Variants in TIMM9 observed in about 807,000 individuals in gnomAD.
TIMM9 encodes mitochondrial import inner membrane translocase subunit Tim9.
In TIMM9, 10 loss-of-function variants were observed where a neutral mutation model predicts 13.4. The ratio of observed to expected loss-of-function variants is 0.75; its 90% CI spans 0.46 to 1.26. The LOEUF (loss-of-function observed/expected upper bound fraction) is 1.26, where lower values mean the gene tolerates loss of function less well. Among genes scored for constraint, TIMM9 ranks in the 50% most tolerant of loss-of-function variants. The pLI, the probability that TIMM9 is intolerant of heterozygous loss-of-function variation, is 0.00. For synonymous variants in TIMM9, 32 were observed against 32.1 expected, an observed-to-expected ratio of 1.00 and a Z score of 0.01; for missense variants, 87 against 100.8, an observed-to-expected ratio of 0.86 and a Z score of 0.58.
intron 5 of TIMM9, among the ~76,000 whole-genome samples, chr14:58,409,941 C>T (rs1313648296): frequency 6.6e-6 from 1 of 152,052 alleles, no homozygotes; most frequent in Non-Finnish European, 1.5e-5. Flanking sequence ...CAGTGCCTCA[C>T]TGTGGCCTCA....
chr14:58,412,642 T>A (rs2036258533), intron 3 of TIMM9, among the ~76,000 whole-genome samples: 1 of 152,218 alleles, frequency 6.6e-6, no homozygotes, highest in South Asian at 2.1e-4. Flanking sequence ...GGCTCATGCC[T>A]GTAATCCCAG....
intron 3 of TIMM9, among the ~76,000 whole-genome samples, chr14:58,423,577 GA>G (rs2036653552): frequency 6.8e-6 from 1 of 146,590 alleles, no homozygotes; most frequent in African/African-American, 2.5e-5. Context: ...CTGGTTCAGA[GA>G]AAATACTGGA....
intron 2 of TIMM9, among the ~76,000 whole-genome samples, chr14:58,426,745 C>A (rs1202865389): frequency 6.6e-6 from 1 of 152,170 alleles, no homozygotes; most frequent in African/African-American, 2.4e-5. Context: ...GGAGGATCTT[C>A]CCCCGGGCAG....
At chr14:58,417,473 C>T (rs2036448930) in intron 3 of TIMM9, among the ~76,000 whole-genome samples, 1 of 128,632 alleles carries the variant, frequency 7.8e-6, no homozygotes, top group Admixed American at 8.9e-5. Context: ...TGCATTCCAG[C>T]TCAGATAAAA....
At chr14:58,419,468 C>T (rs1394399897) in intron 3 of TIMM9, among the ~76,000 whole-genome samples, 2 of 148,324 alleles carry the variant, frequency 1.3e-5, no homozygotes, top group African/African-American at 2.5e-5. Context: ...CACACACACA[C>T]ACACACACAC....
intron 5 of TIMM9, 83 bp downstream of exon 5, chr14:58,410,759 AG>A: frequency 1.1e-6 from 1 of 913,634 alleles, no homozygotes; most frequent in Non-Finnish European, 1.7e-6. Flanking sequence ...TGTAATAAGT[AG>A]GAACAAGTGA....
chr14:58,410,813 T>C (rs193180714), intron 5 of TIMM9, 30 bp downstream of exon 5: 76 of 1,505,626 alleles, frequency 5.0e-5, no homozygotes, highest in East Asian at 5.0e-4. Flanking sequence ...TGAAGGCTTG[T>C]AGAATTTTAG....
chr14:58,413,158 A>C (rs1419232939), intron 3 of TIMM9, among the ~76,000 whole-genome samples: 1 of 152,164 alleles, frequency 6.6e-6, no homozygotes. Flanking sequence ...AGCATTTTAC[A>C]CTTACACCAC....
intron 3 of TIMM9, among the ~76,000 whole-genome samples, chr14:58,413,648 A>G (rs946800570): frequency 4.6e-5 from 7 of 152,214 alleles, no homozygotes; most frequent in African/African-American, 1.7e-4. Flanking sequence ...AAGAATGTGT[A>G]TAACATTATT....
chr14:58,425,350 G>A (rs1039634735), intron 2 of TIMM9, among the ~76,000 whole-genome samples: 1 of 152,044 alleles, frequency 6.6e-6, no homozygotes, highest in East Asian at 1.9e-4. Flanking sequence ...GGCAGAGGTT[G>A]CAGTGAGCTG....
chr14:58,411,971 C>T lies in TIMM9; in HGVS notation c.-26G>A. On this transcript the variant is annotated splice_region_variant and 5_prime_UTR_variant, in exon 4 of 6. The change creates a new upstream start codon in the 5' untranslated region. Transcript: ENST00000395159. The stretch of plus-strand genomic sequence containing the variant: ...ATTCTTCTGGTACCTTTATTAGTCA[C>T]CTAATTTAAAAATTCAAAACAAGTT... 6.2e-7 allele frequency: 1 copy of T among 1,610,624 alleles called. No homozygotes were observed. The highest frequency in any genetic ancestry group is 8.5e-7 in the Non-Finnish European group (1 of 1,177,320).
At chr14:58,414,834 C>G (rs778132343) in intron 3 of TIMM9, among the ~76,000 whole-genome samples, 2 of 152,052 alleles carry the variant, frequency 1.3e-5, no homozygotes, top group African/African-American at 2.4e-5. Context: ...GAAAAGCCTC[C>G]CCACTCCCCA....
chr14:58,425,135 G>C (rs2036695370), intron 2 of TIMM9, among the ~76,000 whole-genome samples: 1 of 151,964 alleles, frequency 6.6e-6, no homozygotes, highest in African/African-American at 2.4e-5. Context: ...ATAAGGCCAG[G>C]CATGATGGTT....
chr14:58,427,241 A>C lies in TIMM9; in HGVS notation c.-302T>G, dbSNP rs375103208. ...CGCCGATTCGTTATAACGCGAGGAAATCTAGAAGAAAAAGCAGGTACCATC... is the reference window on the plus strand; with the variant it reads ...CGCCGATTCGTTATAACGCGAGGAACTCTAGAAGAAAAAGCAGGTACCATC... On this transcript the variant is annotated splice_region_variant and 5_prime_UTR_variant, in exon 2 of 6. Transcript: ENST00000395159. The C allele has an allele frequency of 4.3e-5, 9 of 209,628 alleles. 1 individual carries two copies. Among genetic ancestry groups the C allele is most frequent in the South Asian group, 1.8e-4 (3 of 16,372 alleles). 13.0% of individuals were successfully genotyped at this position (209,628 alleles called of 1,614,324 possible). A position where few individuals can be genotyped will look rare whatever the true frequency, so the allele number is the denominator to read the frequency against.
rs1436905107 is a variant in TIMM9, at chr14:58,419,484, C to CAT, written c.-27+4523_-27+4524insAT. Reference sequence around the variant, plus strand: ...ACACACACACACACACACACACACACACACACACACACACACACACAAACA... The same window carrying CAT: ...ACACACACACACACACACACACACACATACACACACACACACACACACAAACA... On this transcript the variant is annotated intron_variant, in intron 3 of 5. Transcript: ENST00000395159. Among the ~76,000 whole-genome samples the CAT allele has an allele frequency of 4.0e-5, 6 of 150,618 alleles. No individual in the cohort carries two copies. The East Asian group carries it at 1.2e-3, about 30-fold the overall frequency.
chr14:58,410,876 T>C lies in TIMM9; in HGVS notation c.102A>G (p.Lys34=). The C allele has an allele frequency of 6.2e-7, 1 of 1,613,222 alleles. No individual in the cohort carries two copies. Among genetic ancestry groups the C allele is most frequent in the African/African-American group, 1.3e-5 (1 of 75,002 alleles). ...LTETCFLDCV[K]DFTTREVKPE... is the part of the protein sequence containing the mutation. ...GTTTTACTTCTCTTGTTGTGAAGTC[T>C]TTAACACAGTCCAAAAAGCAGGTCT... The change falls in exon 5 of 6, where the codon AAA becomes AAG. Residue 34 remains lysine (K), a synonymous_variant. Transcript: ENST00000395159.
Position 58,409,099 on chromosome 14 carries a change from C to T in TIMM9, c.205G>A (p.Glu69Lys). 1.9e-6 allele frequency: 3 copies of T among 1,613,816 alleles called. No homozygotes were observed. The highest frequency in any genetic ancestry group is 1.1e-5 in the South Asian group (1 of 91,036). ...MTQRISMRFQ[E>K]YHIQQNEALA... The stretch of plus-strand genomic sequence containing the variant: ...GCTTCATTCTGCTGAATATGATATT[C>T]CTGAAATCTCATGGATATTCTTTGT... Residue 69 changes from glutamate (E) to lysine (K), a missense_variant, in exon 6 of 6, where the codon GAA (glutamate) becomes AAA (lysine). Physicochemically the swap from Glu to Lys is moderately conservative, Grantham distance 56. Coordinates refer to ENST00000395159, the MANE Select transcript of TIMM9 (RefSeq NM_012460.4).
chr14:58,423,589 G>T (rs1328594278), intron 3 of TIMM9, among the ~76,000 whole-genome samples: 2 of 150,278 alleles, frequency 1.3e-5, no homozygotes, highest in Admixed American at 6.6e-5. Flanking sequence ...AAATACTGGA[G>T]ATGACTGAGT....
Position 58,410,885 on chromosome 14 carries a change from GTCCAAA to G in TIMM9, c.87_92del (p.Leu30_Asp31del). On this transcript the variant is annotated inframe_deletion, in exon 5 of 6. Coordinates refer to ENST00000395159, the MANE Select transcript of TIMM9 (RefSeq NM_012460.4). ...CTCTTGTTGTGAAGTCTTTAACACA[GTCCAAA>G]AAGCAGGTCTCTGTAAGTTTATTGT... 6.2e-7 allele frequency: 1 copy of G among 1,613,282 alleles called. No individual in the cohort carries two copies. Among genetic ancestry groups the G allele is most frequent in the Non-Finnish European group, 8.5e-7 (1 of 1,179,782 alleles).
Sources: gnomAD v4.1 joint callset for allele counts (sites outside exome capture counted in the v4.1 genomes callset) on GRCh38, gnomAD v4.1.1 for gene constraint, MANE v1.5 for transcripts, NCBI Gene and HGNC (gene_info 2026-07-23, HGNC 2026-07-21) for gene names.